UGT1A6: variants seen among roughly 807,000 people sequenced by gnomAD.
UGT1A6 encodes UDP glucuronosyltransferase family 1 member A6, also known as UDP-glucuronosyltransferase 1A6.
Under a neutral mutation model 44.4 loss-of-function variants are expected in UGT1A6, and 32 were observed. The ratio of observed to expected loss-of-function variants is 0.72; its 90% CI spans 0.54 to 0.97. UGT1A6 has a LOEUF of 0.97. Among genes scored for constraint, UGT1A6 ranks in the 50% least tolerant of loss-of-function variants. UGT1A6 has a pLI of 0.00. For synonymous variants in UGT1A6, 238 were observed against 248.5 expected, an observed-to-expected ratio of 0.96 and a Z score of 0.40; for missense variants, 685 against 661.9, an observed-to-expected ratio of 1.03 and a Z score of -0.38.
At position 233,719,685 on chromosome 2, in the gene UGT1A6, C is replaced by T. The variant is rs745851656; in HGVS notation, c.861+25820C>T. 4.3e-6 allele frequency: 7 copies of T among 1,613,938 alleles called. No homozygotes were observed. The South Asian group carries it at 6.6e-5, about 15-fold the overall frequency. Reference sequence around the variant, plus strand: ...CTGTGCCAACGGGAAGCCACTATCTCAGGTCTGTATTGGTGCCTTCATCCA... The same window carrying T: ...CTGTGCCAACGGGAAGCCACTATCTTAGGTCTGTATTGGTGCCTTCATCCA... On this transcript the variant is annotated intron_variant, in intron 1 of 4. Transcript: ENST00000305139.
At chr2:233,715,207 AC>A (rs1408524816) in intron 1 of UGT1A6, among the ~76,000 whole-genome samples, 1 of 152,002 alleles carries the variant, frequency 6.6e-6, no homozygotes, top group East Asian at 1.9e-4. Flanking sequence ...CTTTTAAAAG[AC>A]CCTCTACTGA....
intron 1 of UGT1A6, among the ~76,000 whole-genome samples, chr2:233,709,348 T>A (rs1575490597): frequency 1.3e-5 from 2 of 152,346 alleles, no homozygotes; most frequent in South Asian, 2.1e-4. Flanking sequence ...ATAAACCTAT[T>A]ACTATATAGA....
chr2:233,708,919 A>G (rs1575489691), intron 1 of UGT1A6, among the ~76,000 whole-genome samples: 1 of 152,120 alleles, frequency 6.6e-6, no homozygotes, highest in East Asian at 1.9e-4. Context: ...ATTGCTTGCT[A>G]CAGAGCCAAA....
At position 233,769,603 on chromosome 2, in the gene UGT1A6, G is replaced by T; in HGVS notation, c.1301+1164G>T. 1 of 1,612,818 alleles carries T rather than the reference G, an allele frequency of 6.2e-7. No individual in the cohort carries two copies. Among genetic ancestry groups the T allele is most frequent in the Non-Finnish European group, 8.5e-7 (1 of 1,179,870 alleles). On this transcript the variant is annotated intron_variant, in intron 4 of 4. Transcript: ENST00000305139. The surrounding 1 kb of genome is among the most constrained non-coding windows in gnomAD (Gnocchi z 4.4). Reference sequence around the variant, plus strand: ...CAGATGAGAGGAGACGGAACACGGGGACACACCAGCTTGAGCAAGGGACAA... The same window carrying T: ...CAGATGAGAGGAGACGGAACACGGGTACACACCAGCTTGAGCAAGGGACAA...
chr2:233,743,793 C>G (rs768890081), intron 1 of UGT1A6: 1 of 1,367,374 alleles, frequency 7.3e-7, no homozygotes. Flanking sequence ...CTCCTCTCCG[C>G]TTCCTCCTTG....
At chr2:233,738,845 C>T (rs1366677682) in intron 1 of UGT1A6, 1 of 152,224 alleles carries the variant, frequency 6.6e-6, no homozygotes, top group Admixed American at 6.5e-5. Flanking sequence ...AAATGTTAAT[C>T]ACCAAGACAA....
At chr2:233,771,613 G>GT (rs1296922590) in intron 4 of UGT1A6, 10 of 152,180 alleles carry the variant, frequency 6.6e-5, no homozygotes, top group Non-Finnish European at 1.2e-4. Flanking sequence ...AATTTCTGAC[G>GT]TGACATTTTC....
intron 1 of UGT1A6, among the ~76,000 whole-genome samples, chr2:233,758,576 G>A (rs1696917059): frequency 6.6e-6 from 1 of 152,184 alleles, no homozygotes; most frequent in Admixed American, 6.5e-5. Context: ...AAAAAATGAA[G>A]AGTGTTTGGG....
At chr2:233,766,708 C>G (rs538087868) in intron 1 of UGT1A6, among the ~76,000 whole-genome samples, 1 of 152,196 alleles carries the variant, frequency 6.6e-6, no homozygotes, top group East Asian at 1.9e-4. Context: ...GCTCTGTGTT[C>G]TCTAAGTGGA....
rs1217808254 is a variant in UGT1A6 at position 233,763,370 on chromosome 2, A to G, written c.862-3664A>G. On this transcript the variant is annotated intron_variant, in intron 1 of 4. Coordinates refer to ENST00000305139, the MANE Select transcript of UGT1A6 (RefSeq NM_001072.4). ...ACATCTTTAGTACTCCTTTGTCTTC[A>G]AGCTTTCTTCCTTTTTAAACAACAT... is the stretch of plus-strand genomic sequence containing the variant. Among the ~76,000 whole-genome samples the G allele has an allele frequency of 3.3e-5, 5 of 152,290 alleles. No homozygotes were observed. The East Asian group carries it at 9.6e-4, about 29-fold the overall frequency.
intron 1 of UGT1A6, among the ~76,000 whole-genome samples, chr2:233,695,873 C>T (rs1342839498): frequency 6.6e-6 from 1 of 152,156 alleles, no homozygotes; most frequent in African/African-American, 2.4e-5. Context: ...ACAAACAACG[C>T]AGAAAACTTC....
intron 1 of UGT1A6, among the ~76,000 whole-genome samples, chr2:233,705,578 G>A (rs549130522): frequency 2.0e-5 from 3 of 152,288 alleles, no homozygotes; most frequent in African/African-American, 7.2e-5. Flanking sequence ...GGATAGAAAT[G>A]GTTTATGGAT....
chr2:233,729,474 G>A, intron 1 of UGT1A6: 1 of 1,614,210 alleles, frequency 6.2e-7, no homozygotes. Context: ...GTATGGCAAT[G>A]TTGAACAATA....
At chr2:233,744,043 CA>C (rs1402567766) in intron 1 of UGT1A6, 4 of 743,574 alleles carry the variant, frequency 5.4e-6, no homozygotes, top group Non-Finnish European at 7.6e-6. Flanking sequence ...GACGCAGCCA[CA>C]TCTCATTGGT....
chr2:233,756,853 G>A (rs1211591788), intron 1 of UGT1A6, among the ~76,000 whole-genome samples: 2 of 151,934 alleles, frequency 1.3e-5, no homozygotes, highest in Non-Finnish European at 2.9e-5. Flanking sequence ...ACATTCTAAC[G>A]GTTCATAAAG....
chr2:233,717,481 G>A (rs914906580), intron 1 of UGT1A6, among the ~76,000 whole-genome samples: 2 of 152,216 alleles, frequency 1.3e-5, no homozygotes, highest in Admixed American at 6.5e-5. Flanking sequence ...TCCAAAGGTG[G>A]AATCTGTTAT....
intron 1 of UGT1A6, chr2:233,719,195 T>C (rs538577466): frequency 1.4e-5 from 23 of 1,614,258 alleles, no homozygotes; most frequent in Admixed American, 1.2e-4. Context: ...TGGCCCTTCA[T>C]AGGTGTTGTG....
chr2:233,696,338 A>T (rs1470953222), intron 1 of UGT1A6, among the ~76,000 whole-genome samples: 1 of 152,104 alleles, frequency 6.6e-6, no homozygotes, highest in Non-Finnish European at 1.5e-5. Context: ...CCTTATACAG[A>T]TCTTTCACTT....
intron 1 of UGT1A6, among the ~76,000 whole-genome samples, chr2:233,700,555 A>G (rs1237655916): frequency 6.6e-6 from 1 of 152,212 alleles, no homozygotes; most frequent in African/African-American, 2.4e-5. Context: ...AAGGGGTTAT[A>G]AAAATATAAC....
Sources: gnomAD v4.1 joint callset for allele counts (sites outside exome capture counted in the v4.1 genomes callset) on GRCh38, gnomAD v4.1.1 for gene constraint, Gnocchi (gnomAD v3.1) non-coding constraint, MANE v1.5 for transcripts, NCBI Gene and HGNC (gene_info 2026-07-23, HGNC 2026-07-21) for gene names.